The following UHMK1 variants were observed in gnomAD, a reference collection of about 807,000 sequenced individuals.
UHMK1 encodes serine/threonine-protein kinase Kist.
A neutral mutation model predicts 44.0 loss-of-function variants in UHMK1; 18 were observed. The ratio of observed to expected loss-of-function variants is 0.41; its 90% confidence interval spans 0.28 to 0.61. UHMK1 has a LOEUF of 0.61. Among genes scored for constraint, UHMK1 ranks in the 20% least tolerant of loss-of-function variants. The pLI is 0.31. For synonymous variants in UHMK1, 231 were observed against 198.5 expected (o/e 1.16, Z -1.38); for missense variants, 463 against 522.5 (o/e 0.89, Z 1.11).
chr1:162,522,292 A>G, intron 7 of UHMK1, 112 bp from the exon 8 acceptor site: 1 of 1,286,922 alleles, frequency 7.8e-7, no homozygotes, highest in South Asian at 1.5e-5. Flanking sequence ...AGGAAGCAAA[A>G]TCTGCATTTT....
intron 4 of UHMK1, 28 bp downstream of exon 4, chr1:162,503,876 T>G (rs763454711): frequency 2.5e-6 from 4 of 1,576,148 alleles, no homozygotes; most frequent in Non-Finnish European, 3.5e-6. Flanking sequence ...TAAACTTGCT[T>G]TGCATTCATG....
rs372257532 is a variant in UHMK1 at position 162,512,675 on chromosome 1, A to G, written c.926-50A>G. ...CACAAGTTCCTTTATCTGGTGTTCAACTTATTTGGGGGGATTTACATTTAA... is the reference window on the plus strand; with the variant it reads ...CACAAGTTCCTTTATCTGGTGTTCAGCTTATTTGGGGGGATTTACATTTAA... On this transcript the variant is annotated intron_variant, in intron 5 of 7. Coordinates refer to ENST00000489294, the MANE Select transcript of UHMK1 (RefSeq NM_175866.5). 96 of 1,608,144 alleles carry G rather than the reference A, an allele frequency of 6.0e-5. No homozygotes were observed. The African/African-American group carries it at 1.1e-3, about 19-fold the overall frequency.
At position 162,525,184 on chromosome 1, in the gene UHMK1, T is replaced by C. The variant is rs146670138; in HGVS notation, c.*2634T>C. The stretch of plus-strand genomic sequence containing the variant: ...CAGATTACCCCTCCCTCCTGTGATA[T>C]TATCTTTCTTAAACCTGAACCAAAT... On this transcript the variant is annotated 3_prime_UTR_variant, in exon 8 of 8. Coordinates refer to ENST00000489294, the MANE Select transcript of UHMK1 (RefSeq NM_175866.5). The C allele has an allele frequency of 3.9e-5, 6 of 152,346 alleles. No individual in the cohort carries two copies. The highest frequency in any genetic ancestry group is 1.3e-4 in the Admixed American group (2 of 15,296). The allele number at this position is 152,346 out of a possible 1,614,324, so 9.4% of individuals were successfully genotyped here. A position where few individuals can be genotyped will look rare whatever the true frequency, so the allele number is the denominator to read the frequency against.
intron 2 of UHMK1, 171 bp from the exon 3 acceptor site, chr1:162,500,742 A>G (rs1651239093): frequency 1.6e-6 from 1 of 613,498 alleles, no homozygotes; most frequent in Non-Finnish European, 2.8e-6. Flanking sequence ...CTTGCCTCTG[A>G]GAACTGCCCA....
chr1:162,526,966 C>T lies in UHMK1; in HGVS notation c.*4416C>T, dbSNP rs938666266. ...AAAAGAATCCCCATTTCTTAAGGTG[C>T]TCAGTCAATCACCTTTATTTTGAGA... On this transcript the variant is annotated 3_prime_UTR_variant, in exon 8 of 8. Coordinates refer to ENST00000489294, the MANE Select transcript of UHMK1 (RefSeq NM_175866.5). The T allele has an allele frequency of 1.3e-5, 2 of 152,076 alleles. No homozygotes were observed. The highest frequency in any genetic ancestry group is 4.8e-5 in the African/African-American group (2 of 41,434). 9.4% of individuals were successfully genotyped at this position (152,076 alleles called of 1,614,324 possible). A position where few individuals can be genotyped will look rare whatever the true frequency, so the allele number is the denominator to read the frequency against.
rs775885920 is a variant in UHMK1 at position 162,523,220 on chromosome 1, G to A, written c.*670G>A. 6 of 152,616 alleles carry A rather than the reference G, an allele frequency of 3.9e-5. No homozygotes were observed. Among genetic ancestry groups the A allele is most frequent in the Non-Finnish European group, 5.9e-5 (4 of 68,046 alleles). 9.5% of individuals were successfully genotyped at this position (152,616 alleles called of 1,614,324 possible). A position where few individuals can be genotyped will look rare whatever the true frequency, so the allele number is the denominator to read the frequency against. On this transcript the variant is annotated 3_prime_UTR_variant, in exon 8 of 8. Transcript: ENST00000489294. ...AGTATGTATGCTTGAGTGAATGTGC[G>A]AGTATGAATGATTAGAGAAAATTTG...
chr1:162,498,227 A>C lies in UHMK1; in HGVS notation c.227A>C (p.Glu76Ala). The C allele has an allele frequency of 1.2e-6, 2 of 1,608,908 alleles. No individual in the cohort carries two copies. The highest frequency in any genetic ancestry group is 1.7e-6 in the Non-Finnish European group (2 of 1,177,324). ...ASAAEYGFRKERAALEQLQGH... is the reference protein window; with the variant it reads ...ASAAEYGFRKARAALEQLQGH... Reference sequence around the variant, plus strand: ...GCCGCCGAGTATGGTTTCCGCAAAGAGAGGGCGGCGCTGGAACAGTTGCAG... The same window carrying C: ...GCCGCCGAGTATGGTTTCCGCAAAGCGAGGGCGGCGCTGGAACAGTTGCAG... Residue 76 changes from glutamate to alanine, a missense_variant, in exon 1 of 8, where the codon GAG (glutamate) becomes GCG (alanine). Physicochemically the swap from Glu to Ala is moderately radical, Grantham distance 107. Transcript: ENST00000489294.
chr1:162,516,997 A>G (rs1385425816), intron 6 of UHMK1, among the ~76,000 whole-genome samples: 1 of 152,238 alleles, frequency 6.6e-6, no homozygotes, highest in East Asian at 1.9e-4. Flanking sequence ...TAGAATGTCA[A>G]CTTAGAAATA....
intron 4 of UHMK1, among the ~76,000 whole-genome samples, chr1:162,507,565 C>A (rs1010592466): frequency 3.3e-5 from 5 of 151,578 alleles, no homozygotes; most frequent in Non-Finnish European, 5.9e-5. Flanking sequence ...AAGCCACCAC[C>A]CCCAACCCAT....
At chr1:162,497,220 G>T, upstream of UHMK1, 1 of 700,146 alleles carries the variant, frequency 1.4e-6, no homozygotes, top group South Asian at 1.5e-5. Flanking sequence ...GAAGCCTCCA[G>T]GTACCAGGCT....
chr1:162,504,917 G>A (rs192512051), intron 4 of UHMK1, among the ~76,000 whole-genome samples: 28 of 152,132 alleles, frequency 1.8e-4, no homozygotes, highest in South Asian at 4.1e-4. Context: ...TGGAATTACA[G>A]GTGCATGCCA....
intron 4 of UHMK1, among the ~76,000 whole-genome samples, chr1:162,507,285 A>G (rs1259208573): frequency 6.6e-6 from 1 of 151,890 alleles, no homozygotes. Flanking sequence ...ATGCCTGGCT[A>G]ATTTCTATAT....
intron 3 of UHMK1, among the ~76,000 whole-genome samples, chr1:162,501,869 C>T (rs1651280384): frequency 6.7e-6 from 1 of 149,372 alleles, no homozygotes; most frequent in African/African-American, 2.5e-5. Flanking sequence ...GGGAGGCTCA[C>T]TTGAGACCAG....
intron 1 of UHMK1, among the ~76,000 whole-genome samples, 171 bp downstream of exon 1, chr1:162,498,439 T>C (rs1347715301): frequency 6.6e-6 from 1 of 152,176 alleles, no homozygotes; most frequent in Non-Finnish European, 1.5e-5. Flanking sequence ...CTGTCTGCGG[T>C]ATAGTGGAGT....
At chr1:162,505,328 CT>C (rs1651428887) in intron 4 of UHMK1, among the ~76,000 whole-genome samples, 1 of 152,128 alleles carries the variant, frequency 6.6e-6, no homozygotes, top group Non-Finnish European at 1.5e-5. Context: ...ACAATGCCTT[CT>C]TTTGGAATAC....
At chr1:162,501,761 A>C (rs925445787) in intron 3 of UHMK1, among the ~76,000 whole-genome samples, 8 of 152,094 alleles carry the variant, frequency 5.3e-5, no homozygotes, top group Non-Finnish European at 8.8e-5. Flanking sequence ...TTAAATGATA[A>C]GTTTTATAGA....
At chr1:162,502,043 G>T (rs1461952503) in intron 3 of UHMK1, among the ~76,000 whole-genome samples, 8 of 152,046 alleles carry the variant, frequency 5.3e-5, no homozygotes, top group Admixed American at 5.2e-4. Context: ...GGGTGTGATG[G>T]CACACACCTG....
rs1652151028 is a variant in UHMK1, at chr1:162,523,967, A to AT, written c.*1419dup. ...ACAAGTTGATTACATGGTTTTTAGA[A>AT]TTATAATTATGGATTCTTCTTATTT... On this transcript the variant is annotated 3_prime_UTR_variant, in exon 8 of 8. Coordinates refer to ENST00000489294, the MANE Select transcript of UHMK1 (RefSeq NM_175866.5). The AT allele has an allele frequency of 6.6e-6, 1 of 152,184 alleles. No individual in the cohort carries two copies. The highest frequency in any genetic ancestry group is 6.5e-5 in the Admixed American group (1 of 15,274). The allele number at this position is 152,184 out of a possible 1,614,324, so 9.4% of individuals were successfully genotyped here. A position where few individuals can be genotyped will look rare whatever the true frequency, so the allele number is the denominator to read the frequency against.
intron 4 of UHMK1, among the ~76,000 whole-genome samples, chr1:162,506,503 C>T (rs1231228039): frequency 6.6e-6 from 1 of 152,064 alleles, no homozygotes; most frequent in African/African-American, 2.4e-5. Flanking sequence ...CCATTCACAC[C>T]AAGAAATAAA....
Sources: gnomAD v4.1 joint callset for allele counts (sites outside exome capture counted in the v4.1 genomes callset) on GRCh38, gnomAD v4.1.1 for gene constraint, MANE v1.5 for transcripts, NCBI Gene and HGNC (gene_info 2026-07-23, HGNC 2026-07-21) for gene names.